The following ZNF251 variants were observed in gnomAD, a reference collection of about 807,000 sequenced individuals.
The protein encoded by ZNF251 is zinc finger protein 251.
ZNF251 carries 14 observed loss-of-function variants against 13.5 expected under a neutral mutation model. That is an observed-to-expected ratio of 1.04 (90% CI 0.69 to 1.63). The LOEUF (loss-of-function observed/expected upper bound fraction) is 1.63, where lower values mean the gene tolerates loss of function less well. Ranked by LOEUF, ZNF251 falls within the 40% of genes most tolerant of loss-of-function variation. The probability of loss-of-function intolerance (pLI) is 0.00; values close to 1 mark genes in which losing one functional copy is unlikely to be tolerated. For synonymous variants in ZNF251, 287 were observed against 295.2 expected, an observed-to-expected ratio of 0.97 and a Z score of 0.28; for missense variants, 764 against 834.9, an observed-to-expected ratio of 0.92 and a Z score of 1.05.
rs1441784314 is a variant in ZNF251, at chr8:144,737,816, C to T, written c.278-14434G>A. On this transcript the variant is annotated intron_variant, in intron 4 of 4. Coordinates refer to ENST00000292562, the MANE Select transcript of ZNF251 (RefSeq NM_138367.2). ...TCGCACCACTGCACTCCAGCCTGGG[C>T]AACAGAGCGAGACTCTGTCTCAAAA... Among the ~76,000 whole-genome samples the T allele has an allele frequency of 5.4e-5, 6 of 111,780 alleles. No individual in the cohort carries two copies. The East Asian group carries it at 1.8e-3, about 33-fold the overall frequency. 73.3% of individuals were successfully genotyped at this position (111,780 alleles called of 152,430 possible).
intron 4 of ZNF251, chr8:144,753,476 A>G (rs558660064): frequency 3.0e-5 from 16 of 540,008 alleles, no homozygotes; most frequent in South Asian, 1.6e-4. Flanking sequence ...TAGTATATAT[A>G]TATTTTTAAA....
Position 144,754,709 on chromosome 8 carries a change from A to G in ZNF251, c.20T>C (p.Leu7Pro), listed in dbSNP as rs1432177630. The G allele has an allele frequency of 1.2e-6, 2 of 1,611,908 alleles. No homozygotes were observed. The highest frequency in any genetic ancestry group is 3.4e-5 in the Admixed American group (2 of 59,652). ...GGGTTAACTCACCTGGTGCCCTGGA[A>G]GCTGGAATGTGGCTGCCATTCTGTG... The part of the protein sequence containing the change: MAATFQ[L>P]PGHQEMPLTF... Residue 7 changes from leucine (L) to proline (P), a missense_variant, in exon 2 of 5, where the codon CTT becomes CCT. Transcript: ENST00000292562.
At chr8:144,727,854 C>G (rs965836638) in intron 4 of ZNF251, among the ~76,000 whole-genome samples, 6 of 152,100 alleles carry the variant, frequency 3.9e-5, no homozygotes, top group African/African-American at 1.2e-4. Context: ...ACTCTGTCAC[C>G]CAGGCTGGAG....
Position 144,721,518 on chromosome 8 carries a change from A to T in ZNF251, c.*126T>A. On this transcript the variant is annotated 3_prime_UTR_variant, in exon 5 of 5. Transcript: ENST00000292562. ...TTCCAGATTTAATGACTTTGACTTTAGTAGTCATCTGAACTATTTATTTTA... is the reference window on the plus strand; with the variant it reads ...TTCCAGATTTAATGACTTTGACTTTTGTAGTCATCTGAACTATTTATTTTA... 1.0e-6 allele frequency: 1 copy of T among 965,148 alleles called. No individual in the cohort carries two copies. The highest frequency in any genetic ancestry group is 1.4e-6 in the Non-Finnish European group (1 of 739,562). 59.8% of individuals were successfully genotyped at this position (965,148 alleles called of 1,614,324 possible).
chr8:144,740,054 G>A lies in ZNF251; in HGVS notation c.277+13629C>T, dbSNP rs375329165. On this transcript the variant is annotated intron_variant, in intron 4 of 4. Transcript: ENST00000292562. Reference sequence around the variant, plus strand: ...TAATCCCAGCACTTTGGGAGGCCGAGGCGGGCAGATCACCTGAGGTCCGGA... The same window carrying A: ...TAATCCCAGCACTTTGGGAGGCCGAAGCGGGCAGATCACCTGAGGTCCGGA... 3.0e-3 allele frequency among the ~76,000 whole-genome samples: 459 copies of A among 152,258 alleles called. 2 individuals carry two copies. The highest frequency in any genetic ancestry group is 0.011 in the African/African-American group (438 of 41,534).
rs915901953 is a variant in ZNF251, at chr8:144,755,391, C to G, written c.-76+14G>C. The G allele has an allele frequency of 3.9e-6, 5 of 1,288,110 alleles. No homozygotes were observed. The highest frequency in any genetic ancestry group is 1.5e-5 in the African/African-American group (1 of 65,766). 79.8% of individuals were successfully genotyped at this position (1,288,110 alleles called of 1,614,324 possible). A position where few individuals can be genotyped will look rare whatever the true frequency, so the allele number is the denominator to read the frequency against. On this transcript the variant is annotated intron_variant, in intron 1 of 4. Coordinates refer to ENST00000292562, the MANE Select transcript of ZNF251 (RefSeq NM_138367.2). ...GCCCGCTTGGCGCTCCTTCCTGGTC[C>G]GACACTGCCCCACCTGTTTGCTCGA...
Position 144,754,325 on chromosome 8 carries a change from C to T in ZNF251, c.34-4G>A. The T allele has an allele frequency of 6.2e-7, 1 of 1,603,540 alleles. No individual in the cohort carries two copies. Among genetic ancestry groups the T allele is most frequent in the Non-Finnish European group, 8.5e-7 (1 of 1,174,994 alleles). On this transcript the variant is annotated splice_polypyrimidine_tract_variant and splice_region_variant and intron_variant, in intron 2 of 4. Transcript: ENST00000292562. ...CCTGGAAGGTCAGCGGCATCTCCTG[C>T]AACAAAACATCGCCGCTGCCCAGGC...
chr8:144,728,124 T>C (rs1055256691), intron 4 of ZNF251, among the ~76,000 whole-genome samples: 5 of 152,184 alleles, frequency 3.3e-5, no homozygotes, highest in Non-Finnish European at 7.3e-5. Flanking sequence ...TTCCTTTCAT[T>C]TGAACACTTA....
chr8:144,723,087 A>G lies in ZNF251; in HGVS notation c.573T>C (p.Asn191=), dbSNP rs192030849. The G allele has an allele frequency of 2.5e-6, 4 of 1,614,036 alleles. No homozygotes were observed. Among genetic ancestry groups the G allele is most frequent in the Non-Finnish European group, 3.4e-6 (4 of 1,179,904 alleles). Reference sequence around the variant, plus strand: ...GAAGTCTAACAACATTTTGGTCCAGATTCAAGTTTCTATCAAATGCACTAC... The same window carrying G: ...GAAGTCTAACAACATTTTGGTCCAGGTTCAAGTTTCTATCAAATGCACTAC... ...QECSAFDRNL[N]LDQNVVRLQR... The change falls in exon 5 of 5, where the codon AAT becomes AAC. Residue 191 remains asparagine, a synonymous_variant. Coordinates refer to ENST00000292562, the MANE Select transcript of ZNF251 (RefSeq NM_138367.2).
intron 4 of ZNF251, among the ~76,000 whole-genome samples, chr8:144,732,612 A>T (rs374273695): frequency 1.3e-5 from 2 of 151,564 alleles, no homozygotes; most frequent in African/African-American, 2.4e-5. Context: ...GGAGATGGAG[A>T]CCATCCTGGC....
intron 4 of ZNF251, among the ~76,000 whole-genome samples, chr8:144,727,138 C>A (rs1378539546): frequency 6.6e-6 from 1 of 152,136 alleles, no homozygotes; most frequent in Non-Finnish European, 1.5e-5. Flanking sequence ...CAAAACCAAG[C>A]AAAACTCAGT....
Position 144,722,011 on chromosome 8 carries a change from C to T in ZNF251, c.1649G>A (p.Gly550Asp), listed in dbSNP as rs762992041. The T allele has an allele frequency of 2.5e-6, 4 of 1,597,186 alleles. No homozygotes were observed. The highest frequency in any genetic ancestry group is 3.5e-5 in the Admixed American group (2 of 57,750). ...GEKHGRAFNH[G>D]ANLILRWTVH... ...TGTCCAGCGCAGAATGAGATTTGCACCATGGTTAAAGGCTCTGCCGTGCTT... is the reference window on the plus strand; with the variant it reads ...TGTCCAGCGCAGAATGAGATTTGCATCATGGTTAAAGGCTCTGCCGTGCTT... The change falls in exon 5 of 5, where the codon GGT (glycine) becomes GAT (aspartate). Residue 550 changes from glycine (G) to aspartate (D), a missense_variant. Transcript: ENST00000292562. This position sits in a 1 kb window ranked among gnomAD's most constrained non-coding sequence, Gnocchi z 4.8.
rs1342509335 is a variant in ZNF251 at position 144,737,735 on chromosome 8, G to A, written c.278-14353C>T. 3.3e-5 allele frequency among the ~76,000 whole-genome samples: 5 copies of A among 150,138 alleles called. No homozygotes were observed. In the Admixed American group the frequency reaches 3.4e-4, roughly 10 times the overall value. Reference sequence around the variant, plus strand: ...TAGTCCCAGCTACTTGGGAGGCTGAGGCAGGAGAATGGCGTGAACCCGGGA... The same window carrying A: ...TAGTCCCAGCTACTTGGGAGGCTGAAGCAGGAGAATGGCGTGAACCCGGGA... On this transcript the variant is annotated intron_variant, in intron 4 of 4. Coordinates refer to ENST00000292562, the MANE Select transcript of ZNF251 (RefSeq NM_138367.2).
chr8:144,749,988 C>T (rs1824619379), intron 4 of ZNF251, among the ~76,000 whole-genome samples: 1 of 150,914 alleles, frequency 6.6e-6, no homozygotes, highest in African/African-American at 2.4e-5. Flanking sequence ...GTTGCAAATA[C>T]AGGTATGTGC....
chr8:144,753,468 GTA>G, intron 4 of ZNF251: 12 of 525,758 alleles, frequency 2.3e-5, no homozygotes, highest in South Asian at 5.6e-5. Context: ...ATCAGAAGTA[GTA>G]TATATATATT....
intron 4 of ZNF251, among the ~76,000 whole-genome samples, chr8:144,731,650 G>A (rs1414204606): frequency 2.6e-5 from 4 of 152,302 alleles, no homozygotes; most frequent in South Asian, 2.1e-4. Flanking sequence ...GCAGTGGCAC[G>A]ATTTCTGCTC....
intron 4 of ZNF251, among the ~76,000 whole-genome samples, chr8:144,743,914 T>A (rs1397838047): frequency 2.0e-5 from 3 of 152,166 alleles, no homozygotes; most frequent in Admixed American, 1.3e-4. Flanking sequence ...ATTTTCTTAC[T>A]GAGTTTTTTG....
At chr8:144,731,017 G>A (rs184250211) in intron 4 of ZNF251, among the ~76,000 whole-genome samples, 1 of 152,290 alleles carries the variant, frequency 6.6e-6, no homozygotes, top group East Asian at 1.9e-4. Flanking sequence ...GACTGAAGAC[G>A]GACTCTCCTC....
rs370381859 is a variant in ZNF251 at position 144,722,472 on chromosome 8, A to G, written c.1188T>C (p.His396=). ...AGGGTTTCTCTCCAGTATGAACCCGATGATGGAGGAAAAGGCTTGAGCTCT... is the reference window on the plus strand; with the variant it reads ...AGGGTTTCTCTCCAGTATGAACCCGGTGATGGAGGAAAAGGCTTGAGCTCT... ...FSQSSSLFLH[H]RVHTGEKPYV... is the part of the protein sequence containing the mutation. Residue 396 remains histidine (H), a synonymous_variant, in exon 5 of 5, where the codon CAT becomes CAC. Coordinates refer to ENST00000292562, the MANE Select transcript of ZNF251 (RefSeq NM_138367.2). The surrounding 1 kb of genome is among the most constrained non-coding windows in gnomAD (Gnocchi z 4.8). 11 of 1,613,312 alleles carry G rather than the reference A, an allele frequency of 6.8e-6. No individual in the cohort carries two copies. The highest frequency in any genetic ancestry group is 9.3e-6 in the Non-Finnish European group (11 of 1,179,862).
Sources: gnomAD v4.1 joint callset for allele counts (sites outside exome capture counted in the v4.1 genomes callset) on GRCh38, gnomAD v4.1.1 for gene constraint, Gnocchi (gnomAD v3.1) non-coding constraint, MANE v1.5 for transcripts, NCBI Gene and HGNC (gene_info 2026-07-23, HGNC 2026-07-21) for gene names.